CCDC92: variants seen among roughly 807,000 people sequenced by gnomAD.
CCDC92 encodes coiled-coil domain containing 92.
Under a neutral mutation model 24.9 loss-of-function variants are expected in CCDC92, and 12 were observed. The ratio of observed to expected loss-of-function variants is 0.48; its 90% CI spans 0.31 to 0.78. The LOEUF (loss-of-function observed/expected upper bound fraction) is 0.78, where lower values mean the gene tolerates loss of function less well. Among genes scored for constraint, CCDC92 ranks in the 30% least tolerant of loss-of-function variants. The pLI, the probability that CCDC92 is intolerant of heterozygous loss-of-function variation, is 0.05. For missense variants in CCDC92, 399 were observed against 439.4 expected, an observed-to-expected ratio of 0.91 and a Z score of 0.82; for synonymous variants, 193 against 196.3, an observed-to-expected ratio of 0.98 and a Z score of 0.14.
chr12:123,949,441 C>G (rs1022331539), intron 1 of CCDC92, among the ~76,000 whole-genome samples: 3 of 152,256 alleles, frequency 2.0e-5, no homozygotes, highest in Admixed American at 6.5e-5. Flanking sequence ...CTGCCCACAG[C>G]TGCAGAAAAT....
chr12:123,949,271 T>C lies in CCDC92; in HGVS notation c.-59-4907A>G, dbSNP rs576300374. The stretch of plus-strand genomic sequence containing the variant: ...TTGCACTTTCTGTGTCAAAAGGGCA[T>C]ACGCTACAAATTGTGTGCTCTTTGT... On this transcript the variant is annotated intron_variant, in intron 1 of 4. Coordinates refer to ENST00000238156, the MANE Select transcript of CCDC92 (RefSeq NM_025140.3). Among the ~76,000 whole-genome samples the C allele has an allele frequency of 7.2e-5, 11 of 152,370 alleles. No homozygotes were observed. The South Asian group carries it at 1.9e-3, about 26-fold the overall frequency.
At chr12:123,943,258 G>C (rs761480265) in intron 3 of CCDC92, 89 bp downstream of exon 3, 1 of 1,424,212 alleles carries the variant, frequency 7.0e-7, no homozygotes, top group African/African-American at 1.4e-5. Context: ...TGGGAGCTGG[G>C]GGCAGGGCAG....
chr12:123,948,990 G>A (rs1319299383), intron 1 of CCDC92, among the ~76,000 whole-genome samples: 3 of 152,152 alleles, frequency 2.0e-5, no homozygotes, highest in Non-Finnish European at 4.4e-5. Context: ...AGACCCAGCC[G>A]GGAGATGCAC....
At chr12:123,947,537 G>C (rs183720873) in intron 1 of CCDC92, among the ~76,000 whole-genome samples, 185 of 152,274 alleles carry the variant, frequency 1.2e-3, no homozygotes, top group Admixed American at 3.9e-3. Flanking sequence ...AGCACCCTGT[G>C]TCTAGCTCAG....
intron 1 of CCDC92, chr12:123,960,864 C>T (rs1956255517): frequency 6.6e-6 from 1 of 152,190 alleles, no homozygotes; most frequent in African/African-American, 2.4e-5. Flanking sequence ...ATGGGGATCC[C>T]CAAGAGCTTA....
intron 1 of CCDC92, among the ~76,000 whole-genome samples, chr12:123,965,247 G>C (rs1956364601): frequency 6.6e-6 from 1 of 152,178 alleles, no homozygotes; most frequent in Admixed American, 6.5e-5. Flanking sequence ...TCGAGATATA[G>C]TGAGGTCTAT....
intron 1 of CCDC92, among the ~76,000 whole-genome samples, chr12:123,950,960 C>A (rs542315566): frequency 6.6e-6 from 1 of 152,292 alleles, no homozygotes; most frequent in South Asian, 2.1e-4. Flanking sequence ...CCAGCGGCAT[C>A]CCCCTGGGTC....
intron 3 of CCDC92, 125 bp downstream of exon 3, chr12:123,943,222 A>T (rs1275485159): frequency 2.3e-5 from 23 of 1,014,992 alleles, no homozygotes; most frequent in Non-Finnish European, 3.3e-5. Flanking sequence ...GATATAAGGC[A>T]TTCAGATGGA....
intron 1 of CCDC92, among the ~76,000 whole-genome samples, chr12:123,954,902 G>A (rs534929741): frequency 7.2e-5 from 11 of 152,236 alleles, no homozygotes; most frequent in Non-Finnish European, 1.6e-4. Flanking sequence ...CTCAGAGCTG[G>A]AGGGGCGATG....
At chr12:123,958,599 T>C (rs1275448613) in intron 1 of CCDC92, among the ~76,000 whole-genome samples, 2 of 152,244 alleles carry the variant, frequency 1.3e-5, no homozygotes, top group African/African-American at 4.8e-5. Context: ...TGCTGTGTCC[T>C]GTGCATTCTG....
intron 4 of CCDC92, among the ~76,000 whole-genome samples, chr12:123,939,472 A>G (rs1354551815): frequency 6.6e-6 from 1 of 150,480 alleles, no homozygotes; most frequent in African/African-American, 2.5e-5. Context: ...AGTTGAAAAT[A>G]CCGTAAGTCA....
chr12:123,937,693 T>C lies in CCDC92; in HGVS notation c.361A>G (p.Asn121Asp). The C allele has an allele frequency of 1.2e-6, 2 of 1,614,152 alleles. No individual in the cohort carries two copies. The highest frequency in any genetic ancestry group is 1.1e-5 in the South Asian group (1 of 91,086). ...QKNAMITVLE[N>D]TIKEREKKYL... The stretch of plus-strand genomic sequence containing the variant: ...TTCTTCTCTCGCTCCTTGATGGTGT[T>C]CTCCAGCACTGTGATCATCGCGTTT... The change falls in exon 5 of 5, where the codon AAC becomes GAC. Residue 121 changes from asparagine (N) to aspartate (D), a missense_variant. Physicochemically the swap from Asn to Asp is conservative, Grantham distance 23 (BLOSUM62 1). Coordinates refer to ENST00000238156, the MANE Select transcript of CCDC92 (RefSeq NM_025140.3). This position sits in a 1 kb window ranked among gnomAD's most constrained non-coding sequence, Gnocchi z 8.4.
intron 1 of CCDC92, among the ~76,000 whole-genome samples, chr12:123,966,999 A>T (rs766585938): frequency 2.0e-5 from 3 of 152,142 alleles, no homozygotes; most frequent in Admixed American, 6.5e-5. Flanking sequence ...CTTTGCCCTC[A>T]AACAATATGG....
chr12:123,948,617 CTG>C (rs1955944733), intron 1 of CCDC92, among the ~76,000 whole-genome samples: 1 of 152,240 alleles, frequency 6.6e-6, no homozygotes, highest in Non-Finnish European at 1.5e-5. Flanking sequence ...ATTTCACTGA[CTG>C]TCGCTCTCCC....
At position 123,967,678 on chromosome 12, in the gene CCDC92, G is replaced by A. The variant is rs376262344; in HGVS notation, c.-60+4851C>T. 2.6e-5 allele frequency among the ~76,000 whole-genome samples: 4 copies of A among 152,328 alleles called. No individual in the cohort carries two copies. In the East Asian group the frequency reaches 7.7e-4, roughly 29 times the overall value. ...TCTCTTGGGAACCCAGTGTTTTTAC[G>A]TGTCCTCTGCATTATATCGAAGATG... is the stretch of plus-strand genomic sequence containing the variant. On this transcript the variant is annotated intron_variant, in intron 1 of 4. Coordinates refer to ENST00000238156, the MANE Select transcript of CCDC92 (RefSeq NM_025140.3).
chr12:123,939,150 CCT>C (rs1273425528), intron 4 of CCDC92, among the ~76,000 whole-genome samples: 2 of 152,208 alleles, frequency 1.3e-5, no homozygotes, highest in African/African-American at 4.8e-5. Context: ...TCTATTGTAC[CCT>C]CTGTCCTTGC....
chr12:123,943,886 T>C lies in CCDC92; in HGVS notation c.34+386A>G, dbSNP rs188537904. Reference sequence around the variant, plus strand: ...AGCAGGGATTCTAATCCAGGGACCCTTGGTTCCAAATCCTGTCCTCTCCAC... The same window carrying C: ...AGCAGGGATTCTAATCCAGGGACCCCTGGTTCCAAATCCTGTCCTCTCCAC... On this transcript the variant is annotated intron_variant, in intron 2 of 4. Coordinates refer to ENST00000238156, the MANE Select transcript of CCDC92 (RefSeq NM_025140.3). 3.3e-4 allele frequency: 144 copies of C among 432,838 alleles called. 1 individual carries two copies. Among genetic ancestry groups the C allele is most frequent in the African/African-American group, 2.7e-3 (140 of 50,988 alleles). The allele number at this position is 432,838 out of a possible 1,614,324, so 26.8% of individuals were successfully genotyped here.
Position 123,944,342 on chromosome 12 carries a change from C to A in CCDC92, c.-37G>T. ...GAAAAGCTACCAGAGTAATTCAAGA[C>A]GCTTGTACAGCACTGAAAAATACTG... On this transcript the variant is annotated 5_prime_UTR_variant, in exon 2 of 5. Transcript: ENST00000238156. 6.5e-7 allele frequency: 1 copy of A among 1,532,316 alleles called. No individual in the cohort carries two copies. The highest frequency in any genetic ancestry group is 8.8e-7 in the Non-Finnish European group (1 of 1,142,008). 94.9% of individuals were successfully genotyped at this position (1,532,316 alleles called of 1,614,324 possible).
chr12:123,970,493 A>C (rs1027654756), intron 1 of CCDC92: 2 of 152,250 alleles, frequency 1.3e-5, no homozygotes, highest in African/African-American at 2.4e-5. Flanking sequence ...ATTAGGACAC[A>C]GCCACTTCCG....
Sources: allele counts gnomAD v4.1 joint callset (sites outside exome capture counted in the v4.1 genomes callset), GRCh38; gene constraint gnomAD v4.1.1; non-coding constraint Gnocchi (gnomAD v3.1); transcripts MANE v1.5; gene names NCBI Gene and HGNC (gene_info 2026-07-23, HGNC 2026-07-21).